Variants in EML2 observed in about 807,000 individuals in gnomAD.
The protein encoded by EML2 is echinoderm microtubule-associated protein-like 2.
Under a neutral mutation model 84.7 loss-of-function variants are expected in EML2, and 59 were observed. The ratio of observed to expected loss-of-function variants is 0.70; its 90% CI spans 0.56 to 0.86. The LOEUF is 0.86. EML2 is among the 40% of genes least tolerant of loss of function. The probability of loss-of-function intolerance (pLI) is 0.00; values close to 1 mark genes in which losing one functional copy is unlikely to be tolerated. For synonymous variants in EML2, 352 were observed against 348.9 expected (o/e 1.01, Z -0.10); for missense variants, 818 against 855.6 (o/e 0.96, Z 0.55).
intron 7 of EML2, chr19:45,628,901 G>A (rs1722179515): frequency 6.6e-6 from 1 of 151,972 alleles, no homozygotes; most frequent in Admixed American, 6.6e-5. Context: ...CCTTCCCCTA[G>A]CCCAGGACAG....
chr19:45,618,789 A>G (rs1286563304), intron 12 of EML2: 3 of 197,338 alleles, frequency 1.5e-5, no homozygotes, highest in Non-Finnish European at 3.2e-5. Context: ...TCTATTAAAG[A>G]TACATAAATT....
Position 45,633,107 on chromosome 19 carries a change from G to A in EML2, c.362C>T (p.Ala121Val), listed in dbSNP as rs778456949. 9 of 1,601,968 alleles carry A rather than the reference G, an allele frequency of 5.6e-6. No individual in the cohort carries two copies. The Admixed American group carries it at 7.0e-5, about 12-fold the overall frequency. ...LAIHPDMVTIATGQVAGTTKE... is the reference protein window; with the variant it reads ...LAIHPDMVTIVTGQVAGTTKE... ...AGTGGTTCCCGCCACCTGTCCCGTG[G>A]CGATGGTGACCATATCTGGGTGGAT... Residue 121 changes from alanine (A) to valine (V), a missense_variant, in exon 5 of 19, where the codon GCC becomes GTC. Ala to Val is a moderately conservative substitution (Grantham distance 64). Transcript: ENST00000245925.
At chr19:45,620,034 T>TAATA (rs1291597143) in intron 11 of EML2, among the ~76,000 whole-genome samples, 23 of 152,084 alleles carry the variant, frequency 1.5e-4, no homozygotes, top group African/African-American at 5.5e-4. Context: ...CTGGGTGATA[T>TAATA]AATAAATAAA....
intron 3 of EML2, among the ~76,000 whole-genome samples, chr19:45,638,195 AGAC>A (rs1973995426): frequency 1.3e-5 from 2 of 152,340 alleles, no homozygotes; most frequent in Admixed American, 6.5e-5. Flanking sequence ...TTCAGAGTCA[AGAC>A]GACTTTTCCA....
chr19:45,634,260 C>T (rs1973435942), intron 4 of EML2, 62 bp downstream of exon 4: 2 of 1,602,960 alleles, frequency 1.2e-6, no homozygotes, highest in East Asian at 2.2e-5. Flanking sequence ...CATAGAGGGG[C>T]AGGGGCTGGA....
At chr19:45,642,304 G>T, upstream of EML2, 1 of 1,535,804 alleles carries the variant, frequency 6.5e-7, no homozygotes, top group Non-Finnish European at 8.7e-7. Context: ...CTCCAGCGCC[G>T]ACACGCGGTC....
chr19:45,619,223 C>T lies in EML2; in HGVS notation c.1123-32G>A, dbSNP rs201747524. ...GAAAGGGAGGACAGCAGGATGGAGA[C>T]AGCAGCCCTGGCCTTTTCCCACTCA... On this transcript the variant is annotated intron_variant, in intron 11 of 18. Transcript: ENST00000245925. 4,843 of 1,597,022 alleles carry T rather than the reference C, an allele frequency of 3.0e-3. 14 individuals are homozygous for T. Among genetic ancestry groups the T allele is most frequent in the Non-Finnish European group, 3.9e-3 (4,513 of 1,171,374 alleles).
intron 8 of EML2, among the ~76,000 whole-genome samples, chr19:45,625,732 A>G (rs192605429): frequency 1.1e-4 from 17 of 152,052 alleles, no homozygotes; most frequent in African/African-American, 3.6e-4. Context: ...TCTCTCACCA[A>G]AGGCAATGAG....
At chr19:45,639,570 G>C (rs536846966), upstream of EML2, 189 of 446,848 alleles carry the variant, frequency 4.2e-4, 2 homozygotes, top group African/African-American at 3.6e-3. Context: ...GGTGGGTGGG[G>C]GAGAGTGGTT....
chr19:45,630,280 G>A (rs1158205182), intron 6 of EML2, among the ~76,000 whole-genome samples: 2 of 151,984 alleles, frequency 1.3e-5, no homozygotes, highest in South Asian at 2.1e-4. Flanking sequence ...AAAGCCAGGC[G>A]TGGTGGCTCA....
At chr19:45,617,473 G>A (rs763484146) in intron 13 of EML2, among the ~76,000 whole-genome samples, 157 bp downstream of exon 13, 7 of 152,168 alleles carry the variant, frequency 4.6e-5, no homozygotes, top group Non-Finnish European at 8.8e-5. Flanking sequence ...CAGGCAAATC[G>A]CTTGAACCTG....
chr19:45,614,549 G>T, intron 17 of EML2, 56 bp downstream of exon 17: 1 of 1,474,452 alleles, frequency 6.8e-7, no homozygotes, highest in African/African-American at 1.4e-5. Flanking sequence ...ACCACCAGCG[G>T]GGATGTCTCT....
intron 3 of EML2, among the ~76,000 whole-genome samples, chr19:45,637,558 A>C (rs1303439088): frequency 6.8e-6 from 1 of 147,196 alleles, no homozygotes; most frequent in African/African-American, 2.5e-5. Flanking sequence ...GGCTCACTGC[A>C]ACCTCGACCT....
chr19:45,622,147 C>G (rs113511330), intron 9 of EML2, among the ~76,000 whole-genome samples: 15 of 152,278 alleles, frequency 9.9e-5, no homozygotes, highest in African/African-American at 3.6e-4. Context: ...ATTAAACCAT[C>G]TGCACTAACA....
At chr19:45,613,792 T>G in intron 17 of EML2, 121 bp from the exon 18 acceptor site, 1 of 1,245,558 alleles carries the variant, frequency 8.0e-7, no homozygotes, top group Non-Finnish European at 1.1e-6. Flanking sequence ...TATCCGAGGA[T>G]ATGAGTCAGA....
At chr19:45,636,622 T>C (rs1465182201) in intron 3 of EML2, among the ~76,000 whole-genome samples, 1 of 152,096 alleles carries the variant, frequency 6.6e-6, no homozygotes, top group East Asian at 1.9e-4. Context: ...CAGCACTGGG[T>C]CCCCAGCCCT....
intron 18 of EML2, among the ~76,000 whole-genome samples, chr19:45,610,855 CAAAA>C (rs1970422605): frequency 2.0e-5 from 3 of 151,952 alleles, no homozygotes; most frequent in Admixed American, 1.3e-4. Flanking sequence ...CAAAAACAAA[CAAAA>C]AACCCAGCAG....
intron 11 of EML2, chr19:45,620,822 G>C (rs917893946): frequency 2.7e-6 from 1 of 363,726 alleles, no homozygotes; most frequent in African/African-American, 2.1e-5. Context: ...AGGAGCAGGC[G>C]TTTGAGCTTC....
Position 45,638,623 on chromosome 19 carries a change from C to A in EML2, c.61G>T (p.Val21Leu), listed in dbSNP as rs778942068. Residue 21 changes from valine (V) to leucine (L), a missense_variant, in exon 3 of 19, where the codon GTG (valine) becomes TTG (leucine). Coordinates refer to ENST00000245925, the MANE Select transcript of EML2 (RefSeq NM_012155.4). ...GGGCGGCCCCTCAGGAACATTTTCA[C>A]GGAGCCATCCTCTGCCAGGACACCC... is the stretch of plus-strand genomic sequence containing the variant. Reference protein sequence around the residue: ...EVIFSVEDGSVKMFLRGRPVP... With the variant: ...EVIFSVEDGSLKMFLRGRPVP... The A allele has an allele frequency of 2.4e-5, 39 of 1,613,718 alleles. No individual in the cohort carries two copies. The highest frequency in any genetic ancestry group is 2.5e-6 in the Non-Finnish European group (3 of 1,179,950).
Sources: allele counts gnomAD v4.1 joint callset (sites outside exome capture counted in the v4.1 genomes callset), GRCh38; gene constraint gnomAD v4.1.1; transcripts MANE v1.5; gene names NCBI Gene and HGNC (gene_info 2026-07-23, HGNC 2026-07-21).